NRG3: variants seen among roughly 807,000 people sequenced by gnomAD.
NRG3 encodes the protein neuregulin 3.
A neutral mutation model predicts 66.9 loss-of-function variants in NRG3; 31 were observed. That is an observed-to-expected ratio of 0.46 (90% CI 0.35 to 0.63). The LOEUF is 0.63. Among genes scored for constraint, NRG3 ranks in the 20% least tolerant of loss-of-function variants. The pLI, the probability that NRG3 is intolerant of heterozygous loss-of-function variation, is 0.00. For missense variants in NRG3, 910 were observed against 878.9 expected, an observed-to-expected ratio of 1.04 and a Z score of -0.45; for synonymous variants, 393 against 359.4, an observed-to-expected ratio of 1.09 and a Z score of -1.06.
At chr10:82,650,912 C>G (rs2051360845) in intron 2 of NRG3, among the ~76,000 whole-genome samples, 1 of 152,122 alleles carries the variant, frequency 6.6e-6, no homozygotes, top group African/African-American at 2.4e-5. Context: ...TACATTTCAT[C>G]AAGTGATTTT....
intron 2 of NRG3, among the ~76,000 whole-genome samples, chr10:82,419,714 G>A (rs1322921106): frequency 4.6e-5 from 7 of 152,048 alleles, no homozygotes; most frequent in Non-Finnish European, 1.0e-4. Context: ...ATAAAACGTA[G>A]GAATAGACAT....
chr10:81,946,206 G>T (rs777371675), intron 1 of NRG3, among the ~76,000 whole-genome samples: 1 of 152,024 alleles, frequency 6.6e-6, no homozygotes, highest in Admixed American at 6.6e-5. Context: ...TAGTAGAGAC[G>T]AGGTTTGACC....
At chr10:82,310,677 GT>G (rs2080973655) in intron 1 of NRG3, among the ~76,000 whole-genome samples, 1 of 151,922 alleles carries the variant, frequency 6.6e-6, no homozygotes, top group African/African-American at 2.4e-5. Flanking sequence ...GCGAAATACC[GT>G]AAGAACTCTA....
chr10:82,420,167 T>C (rs1204126894), intron 2 of NRG3, among the ~76,000 whole-genome samples: 1 of 152,158 alleles, frequency 6.6e-6, no homozygotes, highest in Non-Finnish European at 1.5e-5. Flanking sequence ...GCTTGTTCTG[T>C]GCATTTGTTT....
chr10:82,765,858 G>A (rs551648518), intron 3 of NRG3, among the ~76,000 whole-genome samples: 2 of 152,190 alleles, frequency 1.3e-5, no homozygotes, highest in East Asian at 3.9e-4. Context: ...GAATTATTTT[G>A]AAATGTCAGC....
intron 2 of NRG3, among the ~76,000 whole-genome samples, chr10:82,562,826 G>A (rs2045140768): frequency 6.6e-6 from 1 of 151,676 alleles, no homozygotes; most frequent in African/African-American, 2.4e-5. Context: ...ACACAGAGTG[G>A]GTGGGGAGGG....
intron 4 of NRG3, among the ~76,000 whole-genome samples, chr10:82,893,611 C>T (rs148195490): frequency 7.2e-5 from 11 of 152,140 alleles, no homozygotes; most frequent in Admixed American, 1.3e-4. Flanking sequence ...TCATTTGAAC[C>T]AGGGAGTAGG....
chr10:82,329,582 A>C (rs2082044287), intron 1 of NRG3, among the ~76,000 whole-genome samples: 1 of 152,110 alleles, frequency 6.6e-6, no homozygotes, highest in African/African-American at 2.4e-5. Context: ...CAAGTAAAAA[A>C]GCAAGGCTGT....
At chr10:82,916,516 G>C (rs1845842849) in intron 4 of NRG3, among the ~76,000 whole-genome samples, 1 of 152,116 alleles carries the variant, frequency 6.6e-6, no homozygotes, top group South Asian at 2.1e-4. Flanking sequence ...CAAAGTTCCA[G>C]TATACCTTAT....
intron 1 of NRG3, among the ~76,000 whole-genome samples, chr10:82,050,512 C>G (rs1426912150): frequency 6.6e-6 from 1 of 151,852 alleles, no homozygotes; most frequent in Non-Finnish European, 1.5e-5. Context: ...TGCTGTTAGT[C>G]TGTGTGTCCT....
intron 3 of NRG3, among the ~76,000 whole-genome samples, chr10:82,856,743 C>CAAAAA (rs371581250): frequency 9.1e-5 from 6 of 66,272 alleles, no homozygotes; most frequent in Admixed American, 1.8e-4. Context: ...GACTCTGTCT[C>CAAAAA]AAAAAAAAAA....
At chr10:82,772,251 C>T (rs2059739691) in intron 3 of NRG3, among the ~76,000 whole-genome samples, 1 of 152,130 alleles carries the variant, frequency 6.6e-6, no homozygotes, top group Non-Finnish European at 1.5e-5. Context: ...TATCATCTAA[C>T]ATAGTTACTC....
At chr10:82,687,355 T>C (rs1337166323) in intron 2 of NRG3, among the ~76,000 whole-genome samples, 2 of 152,126 alleles carry the variant, frequency 1.3e-5, no homozygotes, top group Non-Finnish European at 2.9e-5. Context: ...GCATCCCTGC[T>C]TGTAATTATT....
intron 1 of NRG3, among the ~76,000 whole-genome samples, chr10:82,055,172 G>C (rs2063774989): frequency 6.6e-6 from 1 of 151,926 alleles, no homozygotes; most frequent in African/African-American, 2.4e-5. Context: ...GGTCATTGGT[G>C]ATCTTGATGA....
chr10:82,668,462 A>G (rs2052979986), intron 2 of NRG3, among the ~76,000 whole-genome samples: 1 of 152,206 alleles, frequency 6.6e-6, no homozygotes, highest in Admixed American at 6.5e-5. Context: ...AAGCCTGCAT[A>G]TTCCCCTATG....
At chr10:82,660,047 T>G (rs2052206537) in intron 2 of NRG3, among the ~76,000 whole-genome samples, 1 of 150,860 alleles carries the variant, frequency 6.6e-6, no homozygotes, top group African/African-American at 2.4e-5. Flanking sequence ...AATACAAAAA[T>G]TATCTGGGCA....
At chr10:82,752,365 C>A (rs2058901433) in intron 3 of NRG3, among the ~76,000 whole-genome samples, 1 of 152,096 alleles carries the variant, frequency 6.6e-6, no homozygotes, top group Non-Finnish European at 1.5e-5. Context: ...CCTTGTAAAT[C>A]TTTGTAAAGC....
rs1486552347 is a variant in NRG3 at position 82,340,360 on chromosome 10, T to C, written c.824-18379T>C. Among the ~76,000 whole-genome samples, 8 of 152,316 alleles carry C rather than the reference T, an allele frequency of 5.3e-5. No homozygotes were observed. The East Asian group carries it at 1.5e-3, about 29-fold the overall frequency. ...ACGAACTCTCCTAGAATATTTTTTC[T>C]ACTTCTGCCATGACACTTGACATAG... On this transcript the variant is annotated intron_variant, in intron 1 of 8. Transcript: ENST00000372141.
At chr10:82,376,908 A>G (rs1196908524) in intron 2 of NRG3, among the ~76,000 whole-genome samples, 1 of 152,180 alleles carries the variant, frequency 6.6e-6, no homozygotes, top group African/African-American at 2.4e-5. Context: ...TGGATGAAGT[A>G]CTTATCTTCT....
Sources: gnomAD v4.1 joint callset for allele counts (sites outside exome capture counted in the v4.1 genomes callset) on GRCh38, gnomAD v4.1.1 for gene constraint, MANE v1.5 for transcripts, NCBI Gene and HGNC (gene_info 2026-07-23, HGNC 2026-07-21) for gene names.